Variants in DNAH10 observed in about 807,000 individuals in gnomAD.
DNAH10 encodes axonemal beta dynein heavy chain 10.
A neutral mutation model predicts 506.6 loss-of-function variants in DNAH10; 348 were observed. That is an observed-to-expected ratio of 0.69 (90% CI 0.63 to 0.75). The LOEUF (loss-of-function observed/expected upper bound fraction) is 0.75. Ranked by LOEUF, DNAH10 falls within the 30% of genes least tolerant of loss-of-function variation. The probability of loss-of-function intolerance (pLI) is 0.00; values close to 1 mark genes in which losing one functional copy is unlikely to be tolerated. For missense variants in DNAH10, 5,179 were observed against 5,787.1 expected (o/e 0.89, Z 3.41); for synonymous variants, 2,059 against 2,198.6 (o/e 0.94, Z 1.78).
rs911083637 is a variant in DNAH10, at chr12:123,846,796, T to C, written c.5814+642T>C. ...GCATTCACTGCTGCACCTGGCTACA[T>C]TGGTGGTCTCTTAGGCTCACAGTTT... is the stretch of plus-strand genomic sequence containing the variant. On this transcript the variant is annotated intron_variant, in intron 32 of 78. Coordinates refer to ENST00000673944, the MANE Select transcript of DNAH10 (RefSeq NM_001372106.1). This position sits in a 1 kb window ranked among gnomAD's most constrained non-coding sequence, Gnocchi z 4.5. Among the ~76,000 whole-genome samples the C allele has an allele frequency of 1.3e-5, 2 of 152,088 alleles. No individual in the cohort carries two copies. The highest frequency in any genetic ancestry group is 4.8e-5 in the African/African-American group (2 of 41,416).
At chr12:123,875,149 G>C (rs1182666916) in intron 46 of DNAH10, 82 bp from the exon 47 acceptor site, 12 of 1,484,118 alleles carry the variant, frequency 8.1e-6, no homozygotes, top group Non-Finnish European at 1.1e-5. Flanking sequence ...AAATGAGCTT[G>C]AGCTGGGATG....
Position 123,787,956 on chromosome 12 carries a change from CG to C in DNAH10, c.1576del (p.Asp526IlefsTer28). ...GACCGGAAGCGGCTGTTCGAGAGGA[CG>C]GATTATATGGCCACCATCTGCCAGG... ...EFDRKRLFER[T>X]DYMATICQDL... On this transcript the variant is annotated frameshift_variant, in exon 10 of 79. Transcript: ENST00000673944. LOFTEE classifies it high-confidence loss of function. This position sits in a 1 kb window ranked among gnomAD's most constrained non-coding sequence, Gnocchi z 4.6. 1 of 1,592,948 alleles carries C rather than the reference CG, an allele frequency of 6.3e-7. No individual in the cohort carries two copies. The highest frequency in any genetic ancestry group is 1.1e-5 in the South Asian group (1 of 87,956).
chr12:123,848,109 G>A lies in DNAH10; in HGVS notation c.5949+14G>A, dbSNP rs1301595209. On this transcript the variant is annotated intron_variant, in intron 33 of 78. Coordinates refer to ENST00000673944, the MANE Select transcript of DNAH10 (RefSeq NM_001372106.1). ...ATGGATTACAGGGTAAGGCCTGGCT[G>A]TCACCTTTGGTACTGGCTCATTAGG... is the stretch of plus-strand genomic sequence containing the variant. The A allele has an allele frequency of 1.2e-6, 2 of 1,610,312 alleles. No individual in the cohort carries two copies. Among genetic ancestry groups the A allele is most frequent in the Non-Finnish European group, 1.7e-6 (2 of 1,177,856 alleles).
chr12:123,854,916 C>T (rs1381871451), intron 36 of DNAH10, among the ~76,000 whole-genome samples: 1 of 152,192 alleles, frequency 6.6e-6, no homozygotes, highest in Non-Finnish European at 1.5e-5. Flanking sequence ...CATTAAAAAG[C>T]CCATGAAGTC....
Position 123,909,659 on chromosome 12 carries a change from C to T in DNAH10, c.9997+217C>T, listed in dbSNP as rs1014963339. 1.3e-5 allele frequency among the ~76,000 whole-genome samples: 2 copies of T among 152,202 alleles called. No individual in the cohort carries two copies. The highest frequency in any genetic ancestry group is 2.9e-5 in the Non-Finnish European group (2 of 68,038). ...GTGGCTGGGGATGCGCGGCGGCAGC[C>T]GTGCCCACTGAGGGTTCGATTCGGC... On this transcript the variant is annotated intron_variant, in intron 58 of 78. Coordinates refer to ENST00000673944, the MANE Select transcript of DNAH10 (RefSeq NM_001372106.1). This position sits in a 1 kb window ranked among gnomAD's most constrained non-coding sequence, Gnocchi z 5.4.
At chr12:123,805,608 A>G (rs550658321) in intron 18 of DNAH10, among the ~76,000 whole-genome samples, 12 of 152,238 alleles carry the variant, frequency 7.9e-5, no homozygotes, top group Non-Finnish European at 2.9e-5. Context: ...GTTTAGGATC[A>G]TTCTAGGAAA....
chr12:123,932,370 A>C (rs148448276), intron 76 of DNAH10, among the ~76,000 whole-genome samples: 1 of 152,292 alleles, frequency 6.6e-6, no homozygotes, highest in Admixed American at 6.5e-5. Flanking sequence ...ATATTAGTAC[A>C]CAGCTAGCTC....
At chr12:123,923,007 C>T (rs1954795324) in intron 65 of DNAH10, 2 of 152,154 alleles carry the variant, frequency 1.3e-5, no homozygotes, top group African/African-American at 4.8e-5. Flanking sequence ...AGTAGCCAAC[C>T]CTCCTAACAC....
At chr12:123,908,272 C>T (rs1164078473) in intron 57 of DNAH10, 3 of 451,464 alleles carry the variant, frequency 6.6e-6, no homozygotes, top group African/African-American at 4.0e-5. Flanking sequence ...CTCCCTGTCT[C>T]TGTTCTTGTG....
At chr12:123,773,099 C>T (rs1445317536) in intron 4 of DNAH10, among the ~76,000 whole-genome samples, 157 bp downstream of exon 4, 1 of 152,180 alleles carries the variant, frequency 6.6e-6, no homozygotes, top group African/African-American at 2.4e-5. Flanking sequence ...GTAGTCTTCT[C>T]AAAGCTAATT....
rs1252275378 is a variant in DNAH10 at position 123,771,655 on chromosome 12, A to G, written c.353A>G (p.Asp118Gly). Residue 118 changes from aspartate (D) to glycine (G), a missense_variant, in exon 3 of 79, where the codon GAT becomes GGT. Asp to Gly is a moderately conservative substitution (Grantham distance 94). Transcript: ENST00000673944. ...CTAGGCCAACCTCTAAACAGAGAGG[A>G]TGAAGAAATGGACAAAGAGATTTCA... ...ESLGQPLNRE[D>G]EEMDKEISEK... 1 of 1,613,516 alleles carries G rather than the reference A, an allele frequency of 6.2e-7. No homozygotes were observed. Among genetic ancestry groups the G allele is most frequent in the Non-Finnish European group, 8.5e-7 (1 of 1,179,752 alleles).
Position 123,923,843 on chromosome 12 carries a change from G to C in DNAH10, c.11587G>C (p.Glu3863Gln), listed in dbSNP as rs922360749. Residue 3863 changes from glutamate (E) to glutamine (Q), a missense_variant, in exon 66 of 79, where the codon GAA becomes CAA. Around this residue, in one of 3 missense-constraint regions of DNAH10, gnomAD observed 4,844 missense variants for 5,430.5 expected, o/e 0.89. Coordinates refer to ENST00000673944, the MANE Select transcript of DNAH10 (RefSeq NM_001372106.1). ...ACAAGCAGAAGGGAGAGTCCCTCAA[G>C]AAGAACTAGATTTCTTTTTAAAAGG... ...IEQAEGRVPQ[E>Q]ELDFFLKGNI... 2.5e-6 allele frequency: 4 copies of C among 1,610,480 alleles called. No homozygotes were observed. Among genetic ancestry groups the C allele is most frequent in the Non-Finnish European group, 3.4e-6 (4 of 1,178,932 alleles).
intron 52 of DNAH10, among the ~76,000 whole-genome samples, chr12:123,892,342 C>T (rs1482556450): frequency 6.6e-6 from 1 of 152,154 alleles, no homozygotes. Flanking sequence ...GGAGGGGCCA[C>T]ACACTTTCAA....
Position 123,833,128 on chromosome 12 carries a change from C to A in DNAH10, c.4560C>A (p.Ile1520=). ...TTCCTGAACAGGCTGTGAAGGAAATCCTAGACACGTGGGAAAATATGAAAT... is the reference window on the plus strand; with the variant it reads ...TTCCTGAACAGGCTGTGAAGGAAATACTAGACACGTGGGAAAATATGAAAT... ...EVAIEKAVKE[I]LDTWENMKFT... Residue 1520 remains isoleucine, a synonymous_variant, in exon 27 of 79, where the codon ATC becomes ATA. Transcript: ENST00000673944. The A allele has an allele frequency of 6.2e-7, 1 of 1,610,700 alleles. No homozygotes were observed. Among genetic ancestry groups the A allele is most frequent in the Non-Finnish European group, 8.5e-7 (1 of 1,178,450 alleles).
chr12:123,840,894 C>T (rs534763758), intron 29 of DNAH10, among the ~76,000 whole-genome samples: 110 of 152,266 alleles, frequency 7.2e-4, no homozygotes, highest in African/African-American at 2.6e-3. Flanking sequence ...GTGTTTATTC[C>T]AGGCAGAGAG....
intron 10 of DNAH10, among the ~76,000 whole-genome samples, chr12:123,788,736 T>G (rs959725951): frequency 1.3e-5 from 2 of 151,700 alleles, no homozygotes; most frequent in Admixed American, 6.6e-5. Flanking sequence ...GAGACTGGCC[T>G]GGGCAACATA....
chr12:123,934,395 C>T (rs1159942024), intron 77 of DNAH10: 2 of 670,052 alleles, frequency 3.0e-6, no homozygotes, highest in Non-Finnish European at 5.4e-6. Context: ...ACACCCATTT[C>T]TCTGGGCCAT....
rs1480573141 is a variant in DNAH10 at position 123,813,155 on chromosome 12, C to A, written c.3145-9C>A. On this transcript the variant is annotated splice_polypyrimidine_tract_variant and intron_variant, in intron 19 of 78. Coordinates refer to ENST00000673944, the MANE Select transcript of DNAH10 (RefSeq NM_001372106.1). ...ATACTGTCTTTTCTCCTAATTCTTA[C>A]TTTGCCAGCATTTTGTTCGTTGGAT... The A allele has an allele frequency of 3.1e-6, 5 of 1,592,090 alleles. No individual in the cohort carries two copies. The highest frequency in any genetic ancestry group is 4.3e-6 in the Non-Finnish European group (5 of 1,168,466).
chr12:123,917,338 C>T lies in DNAH10; in HGVS notation c.11003-246C>T, dbSNP rs1485940215. 1.3e-5 allele frequency among the ~76,000 whole-genome samples: 2 copies of T among 152,282 alleles called. No individual in the cohort carries two copies. The highest frequency in any genetic ancestry group is 2.1e-4 in the South Asian group (1 of 4,820). On this transcript the variant is annotated intron_variant, in intron 63 of 78. Coordinates refer to ENST00000673944, the MANE Select transcript of DNAH10 (RefSeq NM_001372106.1). The surrounding 1 kb of genome is among the most constrained non-coding windows in gnomAD (Gnocchi z 5.6). ...TACTTTAAACTATGGCACCCCAGTC[C>T]GTGGAAGCCTGGGTTTTATTTCAGT...
Sources: gnomAD v4.1 joint callset for allele counts (sites outside exome capture counted in the v4.1 genomes callset) on GRCh38, gnomAD v4.1.1 for gene constraint, gnomAD v4.1.1 regional missense constraint, Gnocchi (gnomAD v3.1) non-coding constraint, MANE v1.5 for transcripts, NCBI Gene and HGNC (gene_info 2026-07-23, HGNC 2026-07-21) for gene names.